Variants in LIPI observed in about 807,000 individuals in gnomAD.
LIPI encodes the protein lipase member I.
LIPI carries 59 observed loss-of-function variants against 50.6 expected under a neutral mutation model. The ratio of observed to expected loss-of-function variants is 1.16; its 90% CI spans 0.94 to 1.45. The LOEUF is 1.45. LIPI is among the 40% of genes most tolerant of loss of function. LIPI has a pLI of 0.00. For synonymous variants in LIPI, 203 were observed against 178.2 expected (o/e 1.14, Z -1.11); for missense variants, 586 against 536.3 (o/e 1.09, Z -0.92).
chr21:14,177,425 C>T (rs908643850), intron 4 of LIPI, among the ~76,000 whole-genome samples: 2 of 151,866 alleles, frequency 1.3e-5, no homozygotes, highest in African/African-American at 4.8e-5. Flanking sequence ...GTCCATTTAT[C>T]TTAATTGTAT....
rs780350161 is a variant in LIPI at position 14,108,988 on chromosome 21, G to A, written c.*5C>T. On this transcript the variant is annotated 3_prime_UTR_variant, in exon 10 of 10. Coordinates refer to ENST00000681601, the MANE Select transcript of LIPI (RefSeq NM_001302998.2). ...AAGCAAGTGCATTTGATGGAAGAAG[G>A]CATCTTATGTGTTCTTTGGTGTACA... 2.5e-6 allele frequency: 4 copies of A among 1,610,154 alleles called. No individual in the cohort carries two copies. Among genetic ancestry groups the A allele is most frequent in the Middle Eastern group, 3.3e-4 (2 of 6,048 alleles).
intron 7 of LIPI, among the ~76,000 whole-genome samples, chr21:14,161,617 T>G (rs1321483783): frequency 8.8e-6 from 1 of 113,184 alleles, no homozygotes; most frequent in Non-Finnish European, 1.7e-5. Context: ...ATAATATACA[T>G]ATATAATATA....
intron 9 of LIPI, among the ~76,000 whole-genome samples, chr21:14,117,042 C>T (rs992994885): frequency 2.0e-5 from 3 of 152,104 alleles, no homozygotes; most frequent in Non-Finnish European, 4.4e-5. Flanking sequence ...TAAGGAAGAG[C>T]CAGGCCCACT....
intron 6 of LIPI, among the ~76,000 whole-genome samples, chr21:14,164,891 C>T (rs1241152941): frequency 1.3e-5 from 2 of 152,076 alleles, no homozygotes; most frequent in East Asian, 3.8e-4. Context: ...CAAGACTGTG[C>T]AAGTTTCTTT....
intron 7 of LIPI, among the ~76,000 whole-genome samples, chr21:14,154,694 C>G (rs146166113): frequency 6.6e-6 from 1 of 151,914 alleles, no homozygotes; most frequent in Non-Finnish European, 1.5e-5. Context: ...GTCTGTGAAG[C>G]AAGATCCATA....
chr21:14,201,385 T>A (rs437808), intron 1 of LIPI, among the ~76,000 whole-genome samples: 21,156 of 152,096 alleles, frequency 0.14, 1,943 homozygotes, highest in South Asian at 0.21. Flanking sequence ...ATCCAGAATC[T>A]ATAAATCTAT....
intron 4 of LIPI, among the ~76,000 whole-genome samples, chr21:14,178,948 G>C (rs1219056273): frequency 6.6e-6 from 1 of 152,062 alleles, no homozygotes; most frequent in Non-Finnish European, 1.5e-5. Flanking sequence ...ACGTGATTTT[G>C]GCAGAGGCAA....
At chr21:14,159,259 T>C (rs2123124132) in intron 7 of LIPI, among the ~76,000 whole-genome samples, 1 of 151,532 alleles carries the variant, frequency 6.6e-6, no homozygotes, top group East Asian at 1.9e-4. Flanking sequence ...CTCAACAAAA[T>C]ATTAACGAAT....
chr21:14,148,744 G>A (rs2017990622), intron 8 of LIPI, among the ~76,000 whole-genome samples: 1 of 152,084 alleles, frequency 6.6e-6, no homozygotes, highest in Non-Finnish European at 1.5e-5. Flanking sequence ...ATTTCTCAGA[G>A]GATATTCCCA....
intron 9 of LIPI, among the ~76,000 whole-genome samples, chr21:14,140,483 C>T (rs1051028248): frequency 1.3e-5 from 2 of 151,998 alleles, no homozygotes; most frequent in Admixed American, 6.6e-5. Flanking sequence ...TTGTTTGTGA[C>T]ATACAGTTTT....
chr21:14,166,291 G>A, intron 5 of LIPI, 71 bp downstream of exon 5: 2 of 905,306 alleles, frequency 2.2e-6, no homozygotes, highest in Non-Finnish European at 3.7e-6. Context: ...AGATTAAGAG[G>A]GGAAAAGTAA....
intron 6 of LIPI, among the ~76,000 whole-genome samples, chr21:14,164,878 T>C (rs2018620399): frequency 6.6e-6 from 1 of 152,176 alleles, no homozygotes; most frequent in Non-Finnish European, 1.5e-5. Flanking sequence ...ACCTCAGTGT[T>C]GCCAAGACTG....
intron 1 of LIPI, among the ~76,000 whole-genome samples, chr21:14,202,564 G>C (rs1364648131): frequency 3.9e-5 from 6 of 151,940 alleles, no homozygotes; most frequent in South Asian, 2.1e-4. Context: ...ACAAACCTGA[G>C]AAAAACAAGA....
At chr21:14,181,709 T>C (rs2822438) in intron 4 of LIPI, 49 bp downstream of exon 4, 329,407 of 1,161,502 alleles carry the variant, frequency 0.28, 48,528 homozygotes, top group Middle Eastern at 0.34. Context: ...AAGGTCTACA[T>C]TTTCCTTTTC....
At chr21:14,110,423 T>G (rs1275632777) in intron 9 of LIPI, among the ~76,000 whole-genome samples, 1 of 152,008 alleles carries the variant, frequency 6.6e-6, no homozygotes, top group Admixed American at 6.6e-5. Flanking sequence ...AAATACATTG[T>G]GGAATGGTTA....
intron 9 of LIPI, among the ~76,000 whole-genome samples, chr21:14,111,930 T>C (rs908108872): frequency 6.9e-4 from 105 of 152,092 alleles, no homozygotes; most frequent in African/African-American, 2.3e-3. Flanking sequence ...AAGTTTGGGC[T>C]TCCTGTGTAC....
intron 7 of LIPI, among the ~76,000 whole-genome samples, chr21:14,157,799 C>T (rs1190723064): frequency 1.3e-5 from 2 of 151,778 alleles, no homozygotes; most frequent in Non-Finnish European, 2.9e-5. Flanking sequence ...ATGGAGTTTG[C>T]CTGGCTGAAT....
intron 1 of LIPI, chr21:14,207,079 C>A: frequency 3.2e-6 from 2 of 616,742 alleles, no homozygotes; most frequent in East Asian, 2.9e-5. Flanking sequence ...CCAGTTAAGA[C>A]ACAACACTGT....
chr21:14,198,144 C>A (rs2019926473), intron 1 of LIPI, among the ~76,000 whole-genome samples: 1 of 152,114 alleles, frequency 6.6e-6, no homozygotes, highest in Non-Finnish European at 1.5e-5. Context: ...AAGGAAAGAT[C>A]TTTACCAGCC....
Sources: gnomAD v4.1 joint callset for allele counts (sites outside exome capture counted in the v4.1 genomes callset) on GRCh38, gnomAD v4.1.1 for gene constraint, MANE v1.5 for transcripts, NCBI Gene and HGNC (gene_info 2026-07-23, HGNC 2026-07-21) for gene names.